Variants in MARCHF1 observed in about 807,000 individuals in gnomAD.
The protein encoded by MARCHF1 is membrane associated ring-CH-type finger 1, also known as E3 ubiquitin-protein ligase MARCHF1.
A neutral mutation model predicts 54.2 loss-of-function variants in MARCHF1; 40 were observed. The observed-to-expected ratio is 0.74, with a 90% CI of 0.57 to 0.96. MARCHF1 has a LOEUF of 0.96. Among genes scored for constraint, MARCHF1 ranks in the 40% least tolerant of loss-of-function variants. The pLI, the probability that MARCHF1 is intolerant of heterozygous loss-of-function variation, is 0.00. For missense variants in MARCHF1, 586 were observed against 656.5 expected (o/e 0.89, Z 1.17); for synonymous variants, 236 against 236.3 (o/e 1.00, Z 0.01).
intron 4 of MARCHF1, among the ~76,000 whole-genome samples, chr4:163,741,412 C>G (rs1230396609): frequency 6.6e-6 from 1 of 151,680 alleles, no homozygotes; most frequent in African/African-American, 2.4e-5. Context: ...TGATGAAACC[C>G]CATCTCTACC....
chr4:164,004,605 A>C (rs1303814957), intron 2 of MARCHF1, among the ~76,000 whole-genome samples: 1 of 152,120 alleles, frequency 6.6e-6, no homozygotes, highest in African/African-American at 2.4e-5. Flanking sequence ...AATTAAAAAA[A>C]CTCAATAAAT....
At chr4:164,251,904 CACATA>C (rs563651036) in intron 1 of MARCHF1, among the ~76,000 whole-genome samples, 34 of 152,054 alleles carry the variant, frequency 2.2e-4, no homozygotes, top group Non-Finnish European at 4.1e-4. Flanking sequence ...ATACGAAAAG[CACATA>C]GCACCAATAG....
chr4:164,015,759 A>G (rs1753525807), intron 2 of MARCHF1, among the ~76,000 whole-genome samples: 1 of 152,192 alleles, frequency 6.6e-6, no homozygotes. Flanking sequence ...ACAGTGAGAT[A>G]TTATTTCATC....
intron 4 of MARCHF1, among the ~76,000 whole-genome samples, chr4:163,830,681 A>T (rs1010532129): frequency 3.9e-5 from 6 of 152,162 alleles, no homozygotes; most frequent in African/African-American, 1.4e-4. Flanking sequence ...TGAGAGGCCG[A>T]GGCGGGAGCA....
chr4:164,036,860 T>G (rs1250093862), intron 2 of MARCHF1, among the ~76,000 whole-genome samples: 2 of 152,120 alleles, frequency 1.3e-5, no homozygotes, highest in African/African-American at 4.8e-5. Flanking sequence ...TTGAAAAAAA[T>G]GGGTATTATC....
intron 4 of MARCHF1, among the ~76,000 whole-genome samples, chr4:163,786,238 C>T (rs185072820): frequency 4.9e-4 from 75 of 152,092 alleles, no homozygotes; most frequent in African/African-American, 1.7e-3. Flanking sequence ...TGCATTCACT[C>T]TATGACTCTA....
chr4:164,365,605 A>G (rs1418096992), intron 1 of MARCHF1, among the ~76,000 whole-genome samples: 1 of 152,068 alleles, frequency 6.6e-6, no homozygotes, highest in Non-Finnish European at 1.5e-5. Flanking sequence ...TGTAAGCACT[A>G]CTTTATTTAA....
At chr4:164,216,181 G>A (rs767726001) in intron 1 of MARCHF1, among the ~76,000 whole-genome samples, 5 of 152,180 alleles carry the variant, frequency 3.3e-5, no homozygotes, top group Admixed American at 6.5e-5. Flanking sequence ...ACTCATGAAT[G>A]TACTTCCCTT....
intron 3 of MARCHF1, among the ~76,000 whole-genome samples, chr4:163,980,153 T>G (rs201833567): frequency 7.1e-6 from 1 of 140,292 alleles, no homozygotes; most frequent in Non-Finnish European, 1.5e-5. Context: ...AGCATGGTAC[T>G]GGTACCAAAA....
chr4:163,748,406 C>CAA lies in MARCHF1; in HGVS notation c.112-47545_112-47544dup, dbSNP rs11315071. Among the ~76,000 whole-genome samples the CAA allele has an allele frequency of 8.6e-3, 1,096 of 128,174 alleles. 7 individuals carry two copies. The highest frequency in any genetic ancestry group is 0.023 in the South Asian group (93 of 4,064). 84.1% of individuals were successfully genotyped at this position (128,174 alleles called of 152,430 possible). Reference sequence around the variant, plus strand: ...TTAGAATCAGCTTGTTAATTTCTACCAAAAAAAAAAAAAAAAAGATCCCAC... The same window carrying CAA: ...TTAGAATCAGCTTGTTAATTTCTACCAAAAAAAAAAAAAAAAAAAGATCCCAC... On this transcript the variant is annotated intron_variant, in intron 4 of 9. Coordinates refer to ENST00000514618, the MANE Select transcript of MARCHF1 (RefSeq NM_001394959.1).
chr4:164,324,652 G>A (rs1009937753), intron 1 of MARCHF1, among the ~76,000 whole-genome samples: 4 of 151,174 alleles, frequency 2.6e-5, no homozygotes, highest in Non-Finnish European at 5.9e-5. Flanking sequence ...TAATAAGGAA[G>A]AAATAAATGT....
chr4:163,685,864 G>C (rs1335486505), intron 5 of MARCHF1, among the ~76,000 whole-genome samples: 1 of 152,210 alleles, frequency 6.6e-6, no homozygotes, highest in Admixed American at 6.5e-5. Flanking sequence ...AGAAAAGTCA[G>C]AGAGGATTAT....
At chr4:164,027,190 C>T (rs1753786726) in intron 2 of MARCHF1, among the ~76,000 whole-genome samples, 1 of 151,378 alleles carries the variant, frequency 6.6e-6, no homozygotes, top group African/African-American at 2.4e-5. Context: ...AATGCAATTC[C>T]AATCAAACTA....
chr4:163,686,652 C>T (rs2111182894), intron 5 of MARCHF1, among the ~76,000 whole-genome samples: 1 of 151,910 alleles, frequency 6.6e-6, no homozygotes, highest in South Asian at 2.1e-4. Context: ...CTCAGTACTT[C>T]ACAAATAGTA....
At chr4:164,026,651 G>A (rs1216903410) in intron 2 of MARCHF1, among the ~76,000 whole-genome samples, 1 of 152,082 alleles carries the variant, frequency 6.6e-6, no homozygotes, top group Non-Finnish European at 1.5e-5. Flanking sequence ...GCAAAAGCTG[G>A]AACCATTCTC....
intron 1 of MARCHF1, among the ~76,000 whole-genome samples, chr4:164,238,203 A>T (rs1579648100): frequency 6.6e-6 from 1 of 152,078 alleles, no homozygotes; most frequent in Non-Finnish European, 1.5e-5. Flanking sequence ...CACTGAGCGC[A>T]TAACTGTCGG....
intron 4 of MARCHF1, among the ~76,000 whole-genome samples, chr4:163,829,738 C>G (rs369309169): frequency 4.2e-5 from 6 of 143,514 alleles, no homozygotes; most frequent in Non-Finnish European, 9.3e-5. Flanking sequence ...TTTGGCAATG[C>G]AAATGTATAT....
chr4:164,268,610 A>G (rs539110173), intron 1 of MARCHF1, among the ~76,000 whole-genome samples: 1 of 152,246 alleles, frequency 6.6e-6, no homozygotes, highest in Admixed American at 6.5e-5. Flanking sequence ...CTTTTCTAAT[A>G]TCTATTCACC....
chr4:163,735,972 T>A (rs1045970945), intron 4 of MARCHF1, among the ~76,000 whole-genome samples: 1 of 152,154 alleles, frequency 6.6e-6, no homozygotes, highest in Non-Finnish European at 1.5e-5. Flanking sequence ...TATGTACATA[T>A]GATAAAGTTC....
Sources: allele counts gnomAD v4.1 joint callset (sites outside exome capture counted in the v4.1 genomes callset), GRCh38; gene constraint gnomAD v4.1.1; transcripts MANE v1.5; gene names NCBI Gene and HGNC (gene_info 2026-07-23, HGNC 2026-07-21).